Variants in AGAP2 observed in about 807,000 individuals in gnomAD.
AGAP2 encodes the protein arf-GAP with GTPase, ANK repeat and PH domain-containing protein 2.
A neutral mutation model predicts 110.9 loss-of-function variants in AGAP2; 32 were observed. That is an observed-to-expected ratio of 0.29 (90% CI 0.22 to 0.39). The LOEUF is 0.39. AGAP2 is among the 10% of genes least tolerant of loss of function. The pLI is 1.00. For missense variants in AGAP2, 1,285 were observed against 1,638.5 expected (o/e 0.78, Z 3.72); for synonymous variants, 702 against 713.0 (o/e 0.98, Z 0.25).
At chr12:57,735,305 G>C in intron 2 of AGAP2, 64 bp downstream of exon 2, 1 of 1,431,116 alleles carries the variant, frequency 7.0e-7, no homozygotes, top group Non-Finnish European at 9.8e-7. Flanking sequence ...TGAAGGGAGA[G>C]AGCTGAGAGT....
rs745973052 is a variant in AGAP2, at chr12:57,730,574, ACTGGGG to A, written c.2343_2348del (p.Pro782_Ser783del). The A allele has an allele frequency of 1.9e-6, 3 of 1,614,094 alleles. No individual in the cohort carries two copies. In the East Asian group the frequency reaches 6.7e-5, roughly 36 times the overall value. The stretch of plus-strand genomic sequence containing the variant: ...TCTGATCTGGTGGTGGCTGCAGGGA[ACTGGGG>A]CTGGGGCTAGGGCTTGGCATGGGAG... On this transcript the variant is annotated inframe_deletion, in exon 12 of 19. Transcript: ENST00000547588.
In AGAP2 at chr12:57,737,287, A is replaced by C; in HGVS notation, c.960T>G (p.Thr320=). The part of the protein sequence containing the change: ...AQPPGPAPPI[T]LEPPAPGLKR... ...TCAGCCCCGGAGCTGGAGGCTCCAG[A>C]GTGATTGGAGGTGCAGGCCCGGGGG... is the stretch of plus-strand genomic sequence containing the variant. Residue 320 remains threonine, a synonymous_variant, in exon 1 of 19, where the codon ACT becomes ACG. Transcript: ENST00000547588. The surrounding 1 kb of genome is among the most constrained non-coding windows in gnomAD (Gnocchi z 5.9). 1 of 1,613,316 alleles carries C rather than the reference A, an allele frequency of 6.2e-7. No homozygotes were observed. Among genetic ancestry groups the C allele is most frequent in the South Asian group, 1.1e-5 (1 of 91,062 alleles).
rs1459657672 is a variant in AGAP2 at position 57,737,365 on chromosome 12, G to A, written c.882C>T (p.Thr294=). 8.1e-6 allele frequency: 13 copies of A among 1,613,744 alleles called. No homozygotes were observed. The highest frequency in any genetic ancestry group is 1.1e-5 in the Non-Finnish European group (13 of 1,179,834). The part of the protein sequence containing the change: ...GPPAGSPPPL[T]LPPTPSPATA... Reference sequence around the variant, plus strand: ...TGGCTGGACTCGGAGTTGGTGGGAGGGTTAGCGGAGGAGGAGAGCCGGCAG... The same window carrying A: ...TGGCTGGACTCGGAGTTGGTGGGAGAGTTAGCGGAGGAGGAGAGCCGGCAG... Residue 294 remains threonine, a synonymous_variant, in exon 1 of 19, where the codon ACC becomes ACT. Transcript: ENST00000547588. The surrounding 1 kb of genome is among the most constrained non-coding windows in gnomAD (Gnocchi z 5.9).
rs1954761043 is a variant in AGAP2 at position 57,726,287 on chromosome 12, C to T, written c.*265G>A. 8.3e-6 allele frequency: 2 copies of T among 239,530 alleles called. No individual in the cohort carries two copies. The highest frequency in any genetic ancestry group is 8.7e-5 in the East Asian group (1 of 11,504). The allele number at this position is 239,530 out of a possible 1,614,324, so 14.8% of individuals were successfully genotyped here. A position where few individuals can be genotyped will look rare whatever the true frequency, so the allele number is the denominator to read the frequency against. ...TGGGGACCTCCCCTTCCGCGAACCC[C>T]GAGCGGGTAGACCCAGAGCAATCCG... On this transcript the variant is annotated 3_prime_UTR_variant, in exon 19 of 19. Coordinates refer to ENST00000547588, the MANE Select transcript of AGAP2 (RefSeq NM_001122772.3). The surrounding 1 kb of genome is among the most constrained non-coding windows in gnomAD (Gnocchi z 5.7).
chr12:57,729,752 C>T lies in AGAP2; in HGVS notation c.2444G>A (p.Gly815Glu), dbSNP rs944070080. ...RALSTDCTPS[G>E]DLSPLSREPP... ...TTCCCGACTCAGGGGGCTCAGGTCT[C>T]CAGATGGGGTACAGTCTTAGGGAGG... The change falls in exon 13 of 19, where the codon GGA becomes GAA. Residue 815 changes from glycine to glutamate, a missense_variant. Transcript: ENST00000547588. The T allele has an allele frequency of 4.3e-6, 7 of 1,613,068 alleles. No homozygotes were observed. The highest frequency in any genetic ancestry group is 5.1e-6 in the Non-Finnish European group (6 of 1,179,440).
rs1012570724 is a variant in AGAP2, at chr12:57,737,369, A to G, written c.878T>C (p.Leu293Pro). 6.2e-7 allele frequency: 1 copy of G among 1,613,788 alleles called. No homozygotes were observed. The highest frequency in any genetic ancestry group is 8.5e-7 in the Non-Finnish European group (1 of 1,179,796). The change falls in exon 1 of 19, where the codon CTA (leucine) becomes CCA (proline). Residue 293 changes from leucine (L) to proline (P), a missense_variant. Leu to Pro is a moderately conservative substitution (Grantham distance 98). Coordinates refer to ENST00000547588, the MANE Select transcript of AGAP2 (RefSeq NM_001122772.3). This position sits in a 1 kb window ranked among gnomAD's most constrained non-coding sequence, Gnocchi z 5.9. The part of the protein sequence containing the change: ...PGPPAGSPPP[L>P]TLPPTPSPAT... ...TGGACTCGGAGTTGGTGGGAGGGTT[A>G]GCGGAGGAGGAGAGCCGGCAGGCGG...
intron 1 of AGAP2, 80 bp from the exon 2 acceptor site, chr12:57,735,507 T>C: frequency 7.3e-7 from 1 of 1,364,876 alleles, no homozygotes; most frequent in Non-Finnish European, 1.0e-6. Context: ...CTCCTCCCTC[T>C]GCAGCTTTCC....
chr12:57,737,956 C>A lies in AGAP2; in HGVS notation c.291G>T (p.Pro97=). 1.0e-5 allele frequency: 14 copies of A among 1,403,344 alleles called. No homozygotes were observed. The highest frequency in any genetic ancestry group is 1.3e-5 in the Non-Finnish European group (14 of 1,089,006). 86.9% of individuals were successfully genotyped at this position (1,403,344 alleles called of 1,614,324 possible). A position where few individuals can be genotyped will look rare whatever the true frequency, so the allele number is the denominator to read the frequency against. Residue 97 remains proline, a synonymous_variant, in exon 1 of 19, where the codon CCG becomes CCT. Transcript: ENST00000547588. This position sits in a 1 kb window ranked among gnomAD's most constrained non-coding sequence, Gnocchi z 5.9. The part of the protein sequence containing the change: ...GAEPPALSPA[P]ASPARPVSPA... ...GGGAGACTGGGCGGGCCGGACTGGC[C>A]GGAGCCGGGGACAGGGCTGGGGGCT...
rs998507070 is a variant in AGAP2, at chr12:57,737,004, A to C, written c.1168+75T>G. 2.8e-5 allele frequency: 41 copies of C among 1,446,738 alleles called. No individual in the cohort carries two copies. The highest frequency in any genetic ancestry group is 1.8e-4 in the Middle Eastern group (1 of 5,524). The allele number at this position is 1,446,738 out of a possible 1,614,324, so 89.6% of individuals were successfully genotyped here. On this transcript the variant is annotated intron_variant, in intron 1 of 18. Transcript: ENST00000547588. The surrounding 1 kb of genome is among the most constrained non-coding windows in gnomAD (Gnocchi z 5.9). ...GAGAAAAGCTTCCCTAGTTTCCTGG[A>C]CCTCGCTCCTCCACCCCAAGCTGAG... is the stretch of plus-strand genomic sequence containing the variant.
At chr12:57,732,735 A>G in intron 6 of AGAP2, 110 bp downstream of exon 6, 3 of 1,536,816 alleles carry the variant, frequency 2.0e-6, no homozygotes, top group Non-Finnish European at 2.6e-6. Flanking sequence ...CCCTCCCACA[A>G]AGGCTAATTT....
chr12:57,734,702 G>C (rs1341955513), intron 2 of AGAP2, 23 bp from the exon 3 acceptor site: 1 of 1,610,448 alleles, frequency 6.2e-7, no homozygotes, highest in African/African-American at 1.3e-5. Context: ...TTGTGGAGCA[G>C]AAATTGTGGG....
At position 57,726,329 on chromosome 12, in the gene AGAP2, A is replaced by T; in HGVS notation, c.*223T>A. On this transcript the variant is annotated 3_prime_UTR_variant, in exon 19 of 19. Transcript: ENST00000547588. The surrounding 1 kb of genome is among the most constrained non-coding windows in gnomAD (Gnocchi z 5.7). ...AGCAATCCGAGTGTGGAAACAATGG[A>T]GAGGGGGCGTGTTGAGCTGGGGTCT... The T allele has an allele frequency of 3.3e-6, 1 of 306,808 alleles. No individual in the cohort carries two copies. Among genetic ancestry groups the T allele is most frequent in the Non-Finnish European group, 5.7e-6 (1 of 176,586 alleles). 19.0% of individuals were successfully genotyped at this position (306,808 alleles called of 1,614,324 possible).
chr12:57,726,334 G>T lies in AGAP2; in HGVS notation c.*218C>A. 1 of 314,158 alleles carries T rather than the reference G, an allele frequency of 3.2e-6. No individual in the cohort carries two copies. Among genetic ancestry groups the T allele is most frequent in the Non-Finnish European group, 5.5e-6 (1 of 182,428 alleles). The allele number at this position is 314,158 out of a possible 1,614,324, so 19.5% of individuals were successfully genotyped here. On this transcript the variant is annotated 3_prime_UTR_variant, in exon 19 of 19. Coordinates refer to ENST00000547588, the MANE Select transcript of AGAP2 (RefSeq NM_001122772.3). The surrounding 1 kb of genome is among the most constrained non-coding windows in gnomAD (Gnocchi z 5.7). ...TCCGAGTGTGGAAACAATGGAGAGGGGGCGTGTTGAGCTGGGGTCTCCATG... is the reference window on the plus strand; with the variant it reads ...TCCGAGTGTGGAAACAATGGAGAGGTGGCGTGTTGAGCTGGGGTCTCCATG...
intron 5 of AGAP2, 105 bp from the exon 6 acceptor site, chr12:57,733,084 G>C: frequency 6.9e-7 from 1 of 1,444,202 alleles, no homozygotes; most frequent in Non-Finnish European, 9.5e-7. Context: ...GGTCCACTGG[G>C]GATGGGGTGT....
In AGAP2 at chr12:57,730,778, A is replaced by C; in HGVS notation, c.2308+13T>G. The C allele has an allele frequency of 6.2e-7, 1 of 1,613,468 alleles. No homozygotes were observed. The highest frequency in any genetic ancestry group is 8.5e-7 in the Non-Finnish European group (1 of 1,179,988). On this transcript the variant is annotated intron_variant, in intron 11 of 18. Transcript: ENST00000547588. ...GGCCCCTCTTCTGCTCCTATGTCAT[A>C]AACCTTACTCACCCAGGCCTTCACC... is the stretch of plus-strand genomic sequence containing the variant.
chr12:57,740,604 C>T (rs1047141447), upstream of AGAP2, among the ~76,000 whole-genome samples: 2 of 152,172 alleles, frequency 1.3e-5, no homozygotes, highest in African/African-American at 2.4e-5. Context: ...TGGCCTAAAC[C>T]GCTCTTCTCC....
intron 14 of AGAP2, 26 bp downstream of exon 14, chr12:57,728,292 G>C: frequency 3.1e-6 from 5 of 1,612,154 alleles, no homozygotes; most frequent in Non-Finnish European, 4.2e-6. Flanking sequence ...CCAGCTGAGC[G>C]CCCCTCCCGG....
chr12:57,730,881 G>A lies in AGAP2; in HGVS notation c.2218C>T (p.Pro740Ser), dbSNP rs1954872532. ...RTTVKVPGKR[P>S]PRAISAFGPS... ...CCAAAGGCAGAGATGGCCCTCGGGG[G>A]CCGCTTGCCCGGGACTTTGACTGTT... Residue 740 changes from proline to serine, a missense_variant, in exon 11 of 19, where the codon CCC becomes TCC. Coordinates refer to ENST00000547588, the MANE Select transcript of AGAP2 (RefSeq NM_001122772.3). 3 of 1,610,354 alleles carry A rather than the reference G, an allele frequency of 1.9e-6. No individual in the cohort carries two copies. The highest frequency in any genetic ancestry group is 1.3e-5 in the African/African-American group (1 of 74,866).
intron 14 of AGAP2, 48 bp downstream of exon 14, chr12:57,728,269 AC>A (rs755961844): frequency 6.3e-7 from 1 of 1,597,280 alleles, no homozygotes; most frequent in Non-Finnish European, 8.6e-7. Context: ...GGGCACCCCC[AC>A]CCTTCTGCAC....
Sources: gnomAD v4.1 joint callset for allele counts (sites outside exome capture counted in the v4.1 genomes callset) on GRCh38, gnomAD v4.1.1 for gene constraint, Gnocchi (gnomAD v3.1) non-coding constraint, MANE v1.5 for transcripts, NCBI Gene and HGNC (gene_info 2026-07-23, HGNC 2026-07-21) for gene names.